PRPF18: variants seen among roughly 807,000 people sequenced by gnomAD.
PRPF18 encodes the protein pre-mRNA-splicing factor 18.
In PRPF18, 38 loss-of-function variants were observed where a neutral mutation model predicts 46.5. The ratio of observed to expected loss-of-function variants is 0.82; its 90% confidence interval spans 0.63 to 1.07. The LOEUF (loss-of-function observed/expected upper bound fraction) is 1.07, where lower values mean the gene tolerates loss of function less well. PRPF18 is among the 50% of genes least tolerant of loss of function. PRPF18 has a pLI of 0.00. For synonymous variants in PRPF18, 152 were observed against 146.7 expected (o/e 1.04, Z -0.26); for missense variants, 263 against 410.0 (o/e 0.64, Z 3.10).
intron 9 of PRPF18, among the ~76,000 whole-genome samples, chr10:13,625,869 C>G (rs1242902609): frequency 6.6e-6 from 1 of 152,202 alleles, no homozygotes; most frequent in South Asian, 2.1e-4. Context: ...CTTTCTGAAC[C>G]ATCAAGTGAA....
At chr10:13,625,373 TA>T (rs1266224337) in intron 9 of PRPF18, among the ~76,000 whole-genome samples, 1 of 152,038 alleles carries the variant, frequency 6.6e-6, no homozygotes, top group East Asian at 1.9e-4. Flanking sequence ...AACATTAGGC[TA>T]TAAAAAAGTT....
downstream of PRPF18, chr10:13,632,735 T>C (rs1476519466): frequency 6.6e-6 from 1 of 152,218 alleles, no homozygotes; most frequent in East Asian, 1.9e-4. Context: ...TTCCCTGAAG[T>C]TAAAGATCTT....
the PRPF18 span, chr10:13,645,894 A>C: frequency 6.6e-6 from 1 of 152,484 alleles, no homozygotes; most frequent in Non-Finnish European, 1.5e-5. Context: ...CACCTTGTGC[A>C]AAAAAATAGG....
At chr10:13,599,660 G>C (rs1353887047) in intron 2 of PRPF18, among the ~76,000 whole-genome samples, 1 of 152,176 alleles carries the variant, frequency 6.6e-6, no homozygotes, top group Non-Finnish European at 1.5e-5. Flanking sequence ...TTTTCCTTGT[G>C]TTTCTGCAAG....
chr10:13,605,872 A>G (rs2080176642), intron 4 of PRPF18, 128 bp downstream of exon 4: 1 of 1,289,490 alleles, frequency 7.8e-7, no homozygotes, highest in African/African-American at 1.5e-5. Flanking sequence ...GCTGAATGGA[A>G]GTTTTCATTA....
intron 9 of PRPF18, among the ~76,000 whole-genome samples, chr10:13,616,983 G>C (rs1336485694): frequency 6.6e-6 from 1 of 152,202 alleles, no homozygotes; most frequent in Non-Finnish European, 1.5e-5. Flanking sequence ...GGAGAGTAAA[G>C]ACTTGGCTTT....
At chr10:13,655,694 A>G in the PRPF18 span, 1 of 151,994 alleles carries the variant, frequency 6.6e-6, no homozygotes, top group Non-Finnish European at 1.5e-5. Flanking sequence ...ATCTCAGGTC[A>G]CTCTGTTTCC....
intron 9 of PRPF18, among the ~76,000 whole-genome samples, chr10:13,620,130 A>C (rs2080401773): frequency 6.6e-6 from 1 of 152,200 alleles, no homozygotes; most frequent in Non-Finnish European, 1.5e-5. Context: ...TATTATGTGA[A>C]GTTTAAGTCA....
chr10:13,618,975 G>A (rs760483917), intron 9 of PRPF18, among the ~76,000 whole-genome samples: 1 of 152,144 alleles, frequency 6.6e-6, no homozygotes, highest in Non-Finnish European at 1.5e-5. Context: ...TCCATGGATC[G>A]GGGAGGTCAG....
chr10:13,635,139 C>T (rs1332568810), downstream of PRPF18, among the ~76,000 whole-genome samples: 1 of 152,108 alleles, frequency 6.6e-6, no homozygotes, highest in Non-Finnish European at 1.5e-5. Flanking sequence ...CAAGTGAGAA[C>T]GTGGTATTTG....
intron 1 of PRPF18, among the ~76,000 whole-genome samples, chr10:13,588,625 C>A (rs570961632): frequency 6.6e-6 from 1 of 151,426 alleles, no homozygotes; most frequent in African/African-American, 2.4e-5. Flanking sequence ...TAGTAAATCC[C>A]AATTTTTTAA....
rs1446374090 is a variant in PRPF18, at chr10:13,600,368, T to G, written c.249+20T>G. 2 of 1,553,018 alleles carry G rather than the reference T, an allele frequency of 1.3e-6. No homozygotes were observed. Among genetic ancestry groups the G allele is most frequent in the Non-Finnish European group, 1.8e-6 (2 of 1,128,530 alleles). ...CAAGAGGTAAGTTTATTTGTGATGG[T>G]TTCATGAGAATAAGATCTCCACGGT... On this transcript the variant is annotated intron_variant, in intron 3 of 9. Transcript: ENST00000378572.
chr10:13,632,343 C>T (rs1334174570), downstream of PRPF18, among the ~76,000 whole-genome samples: 1 of 149,786 alleles, frequency 6.7e-6, no homozygotes, highest in Non-Finnish European at 1.5e-5. Context: ...TCTGTCCCCT[C>T]CCCCCCGCAA....
the PRPF18 span, chr10:13,649,583 A>C: frequency 6.6e-6 from 1 of 152,214 alleles, no homozygotes; most frequent in Non-Finnish European, 1.5e-5. Flanking sequence ...TATTTTTTCC[A>C]AACTTGCGAT....
At chr10:13,595,373 C>T (rs1365684119) in intron 1 of PRPF18, among the ~76,000 whole-genome samples, 5 of 144,796 alleles carry the variant, frequency 3.5e-5, no homozygotes, top group East Asian at 2.1e-4. Context: ...CCATGGCCTC[C>T]GGCCTGGAGA....
At chr10:13,654,570 A>G in the PRPF18 span, 558,906 of 1,133,930 alleles carry the variant, frequency 0.49, 143,647 homozygotes, top group African/African-American at 0.79. Flanking sequence ...CACAGGTGAA[A>G]GAGCTTGCGA....
the PRPF18 span, chr10:13,651,778 A>T: frequency 1.5e-6 from 1 of 667,510 alleles, no homozygotes; most frequent in East Asian, 2.6e-5. Context: ...TTCCCCATGT[A>T]TCTAGAAATA....
the PRPF18 span, chr10:13,645,627 G>A: frequency 6.6e-6 from 1 of 152,552 alleles, no homozygotes; most frequent in East Asian, 1.9e-4. Context: ...AGTAACTGAT[G>A]ATGTAGACAC....
At chr10:13,608,246 C>T (rs1047809359) in intron 4 of PRPF18, among the ~76,000 whole-genome samples, 1 of 152,196 alleles carries the variant, frequency 6.6e-6, no homozygotes, top group African/African-American at 2.4e-5. Flanking sequence ...ATTGTGATTG[C>T]AGTCAGATGA....
Sources: gnomAD v4.1 joint callset for allele counts (sites outside exome capture counted in the v4.1 genomes callset) on GRCh38, gnomAD v4.1.1 for gene constraint, MANE v1.5 for transcripts, NCBI Gene and HGNC (gene_info 2026-07-23, HGNC 2026-07-21) for gene names.